VWC2L: variants seen among roughly 807,000 people sequenced by gnomAD.
The protein encoded by VWC2L is von Willebrand factor C domain containing 2 like.
In VWC2L, 10 loss-of-function variants were observed where a neutral mutation model predicts 21.6. The observed-to-expected ratio is 0.46, with a 90% CI of 0.29 to 0.78. The LOEUF (loss-of-function observed/expected upper bound fraction) is 0.78. VWC2L is among the 30% of genes least tolerant of loss of function. The probability of loss-of-function intolerance (pLI) is 0.10; values close to 1 mark genes in which losing one functional copy is unlikely to be tolerated. For synonymous variants in VWC2L, 96 were observed against 94.3 expected, an observed-to-expected ratio of 1.02 and a Z score of -0.10; for missense variants, 209 against 277.1, an observed-to-expected ratio of 0.75 and a Z score of 1.74.
At chr2:214,420,588 T>C (rs368889682) in intron 2 of VWC2L, among the ~76,000 whole-genome samples, 17 of 152,186 alleles carry the variant, frequency 1.1e-4, no homozygotes, top group Admixed American at 3.3e-4. Flanking sequence ...ATGAAGCCTG[T>C]ATTTATTTTA....
chr2:214,434,013 T>G (rs1456930549), intron 2 of VWC2L, among the ~76,000 whole-genome samples: 1 of 152,146 alleles, frequency 6.6e-6, no homozygotes, highest in African/African-American at 2.4e-5. Flanking sequence ...GGAAATCACA[T>G]GCATATGATA....
At chr2:214,433,440 T>C (rs1296176583) in intron 2 of VWC2L, among the ~76,000 whole-genome samples, 1 of 152,072 alleles carries the variant, frequency 6.6e-6, no homozygotes. Flanking sequence ...TAAAAAATGC[T>C]AGTAGAAATA....
chr2:214,495,233 C>G (rs186369279), intron 3 of VWC2L, among the ~76,000 whole-genome samples: 1 of 152,240 alleles, frequency 6.6e-6, no homozygotes, highest in East Asian at 1.9e-4. Flanking sequence ...CTAAGAAAAT[C>G]CCTACTCCCC....
At chr2:214,416,859 C>G (rs1481715185) in intron 2 of VWC2L, among the ~76,000 whole-genome samples, 1 of 151,988 alleles carries the variant, frequency 6.6e-6, no homozygotes, top group Non-Finnish European at 1.5e-5. Context: ...CTTGTGATGA[C>G]GGGTACACAA....
At chr2:214,514,613 T>G (rs942300347) in intron 3 of VWC2L, among the ~76,000 whole-genome samples, 54 of 152,190 alleles carry the variant, frequency 3.5e-4, no homozygotes, top group African/African-American at 1.3e-3. Context: ...CATGATACAT[T>G]TTTGCAATCC....
chr2:214,572,072 A>G (rs1378622346), intron 3 of VWC2L, among the ~76,000 whole-genome samples: 1 of 152,162 alleles, frequency 6.6e-6, no homozygotes, highest in African/African-American at 2.4e-5. Flanking sequence ...GTAAGCCACC[A>G]CAACCAGCCT....
chr2:214,415,223 T>C (rs556555473), intron 2 of VWC2L: 2 of 152,334 alleles, frequency 1.3e-5, no homozygotes, highest in South Asian at 4.1e-4. Flanking sequence ...GCCTACCTGG[T>C]ATTTTTTAGT....
chr2:214,511,822 CACACTATATATATATAT>C (rs1182558963), intron 3 of VWC2L, among the ~76,000 whole-genome samples: 2 of 125,384 alleles, frequency 1.6e-5, no homozygotes, highest in African/African-American at 5.1e-5. Context: ...AGTTACACAA[CACACTATATATATATAT>C]ACACTTTATA....
At chr2:214,470,916 CAAAAAAAAAAA>C (rs56041924) in intron 3 of VWC2L, among the ~76,000 whole-genome samples, 1 of 50,794 alleles carries the variant, frequency 2.0e-5, no homozygotes, top group East Asian at 7.0e-4. Flanking sequence ...AACTCCATCT[CAAAAAAAAAAA>C]AAAAAAAAAA....
intron 2 of VWC2L, among the ~76,000 whole-genome samples, chr2:214,419,581 T>C (rs770856568): frequency 1.3e-5 from 2 of 152,168 alleles, no homozygotes; most frequent in Admixed American, 6.5e-5. Flanking sequence ...TTAAAGTGAT[T>C]TTCTGCAGCC....
At chr2:214,529,321 C>T (rs1411881118) in intron 3 of VWC2L, among the ~76,000 whole-genome samples, 6 of 152,160 alleles carry the variant, frequency 3.9e-5, no homozygotes, top group Non-Finnish European at 8.8e-5. Context: ...CAGTTGGGAA[C>T]TCAACCATGG....
intron 3 of VWC2L, among the ~76,000 whole-genome samples, chr2:214,561,448 A>T (rs1428455194): frequency 1.3e-5 from 2 of 152,140 alleles, no homozygotes; most frequent in African/African-American, 4.8e-5. Flanking sequence ...CCACATTTTT[A>T]AAAAAGTAAA....
intron 2 of VWC2L, among the ~76,000 whole-genome samples, chr2:214,416,106 G>A (rs1007605791): frequency 1.1e-4 from 16 of 151,964 alleles, no homozygotes; most frequent in Non-Finnish European, 1.9e-4. Context: ...GAATACAAAA[G>A]GGTATTGTAG....
intron 3 of VWC2L, among the ~76,000 whole-genome samples, chr2:214,447,793 C>T (rs1454746822): frequency 5.9e-5 from 9 of 152,058 alleles, no homozygotes; most frequent in Non-Finnish European, 1.2e-4. Flanking sequence ...AGATTCCCTC[C>T]GTCTAAACCT....
intron 3 of VWC2L, among the ~76,000 whole-genome samples, chr2:214,499,345 T>A (rs919245708): frequency 6.6e-6 from 1 of 151,800 alleles, no homozygotes; most frequent in African/African-American, 2.4e-5. Flanking sequence ...TCAGATAAAA[T>A]TGAAGGGAAG....
chr2:214,547,387 C>G (rs4673857), intron 3 of VWC2L, among the ~76,000 whole-genome samples: 97,779 of 151,964 alleles, frequency 0.64, 34,718 homozygotes, highest in East Asian at 0.83. Flanking sequence ...TAACCTGGAG[C>G]AGGAGGGAGA....
chr2:214,474,148 C>A (rs1162058547), intron 3 of VWC2L, among the ~76,000 whole-genome samples: 2 of 151,562 alleles, frequency 1.3e-5, no homozygotes, highest in African/African-American at 4.9e-5. Flanking sequence ...ATCTGCACTG[C>A]AGCATTGAAA....
intron 3 of VWC2L, among the ~76,000 whole-genome samples, chr2:214,480,864 C>CAAAAAAAAAAAAAAAAAAAAA (rs59720596): frequency 1.4e-5 from 1 of 71,748 alleles, no homozygotes; most frequent in African/African-American, 5.4e-5. Context: ...TATGCCAAGC[C>CAAAAAAAAAAAAAAAAAAAAA]AAAAAAAAAA....
intron 3 of VWC2L, among the ~76,000 whole-genome samples, chr2:214,450,560 T>C (rs1702938707): frequency 1.3e-5 from 2 of 152,220 alleles, no homozygotes; most frequent in South Asian, 4.1e-4. Context: ...GGTGCATTCT[T>C]GTGTTAATCG....
Sources: allele counts gnomAD v4.1 joint callset (sites outside exome capture counted in the v4.1 genomes callset), GRCh38; gene constraint gnomAD v4.1.1; transcripts MANE v1.5; gene names NCBI Gene and HGNC (gene_info 2026-07-23, HGNC 2026-07-21).